Variants in FGGY observed in about 807,000 individuals in gnomAD.
The protein encoded by FGGY is FGGY carbohydrate kinase domain-containing protein.
Under a neutral mutation model 71.3 loss-of-function variants are expected in FGGY, and 72 were observed. The observed-to-expected ratio is 1.01, with a 90% CI of 0.84 to 1.23. The LOEUF (loss-of-function observed/expected upper bound fraction) is 1.23, where lower values mean the gene tolerates loss of function less well. Among genes scored for constraint, FGGY ranks in the 50% most tolerant of loss-of-function variants. The pLI is 0.00. For synonymous variants in FGGY, 251 were observed against 250.3 expected (o/e 1.00, Z -0.02); for missense variants, 668 against 682.3 (o/e 0.98, Z 0.23).
chr1:59,758,576 G>A (rs372230393), intron 15 of FGGY, among the ~76,000 whole-genome samples: 8 of 152,188 alleles, frequency 5.3e-5, no homozygotes, highest in African/African-American at 1.9e-4. Flanking sequence ...GAAAGAGATG[G>A]GAGCCTGTAG....
chr1:59,512,911 T>G (rs2094552415), intron 7 of FGGY, among the ~76,000 whole-genome samples: 1 of 152,218 alleles, frequency 6.6e-6, no homozygotes, highest in African/African-American at 2.4e-5. Flanking sequence ...ATGTATTCAT[T>G]TGTTCATTCA....
Position 59,642,869 on chromosome 1 carries a change from A to T in FGGY, c.1221+4494A>T, listed in dbSNP as rs146459246. On this transcript the variant is annotated intron_variant, in intron 11 of 15. Coordinates refer to ENST00000303721, the MANE Select transcript of FGGY (RefSeq NM_018291.5). ...ACATGGTGAAACCCTGTCTCTACTT[A>T]AAAAAGTACAAAAAAATTAGCCGGG... Among the ~76,000 whole-genome samples the T allele has an allele frequency of 3.6e-3, 542 of 151,244 alleles. 4 individuals are homozygous for T. Among genetic ancestry groups the T allele is most frequent in the African/African-American group, 0.012 (513 of 41,242 alleles).
Position 59,503,594 on chromosome 1 carries a change from C to CATATATATATATAT in FGGY, c.671-8705_671-8692dup, listed in dbSNP as rs71046332. 3.5e-3 allele frequency among the ~76,000 whole-genome samples: 451 copies of CATATATATATATAT among 127,610 alleles called. 3 individuals carry two copies. The highest frequency in any genetic ancestry group is 0.012 in the African/African-American group (398 of 31,884). 83.7% of individuals were successfully genotyped at this position (127,610 alleles called of 152,430 possible). ...TACGCATTGGCTTTTGTGGTGTCGC[C>CATATATATATATAT]ATATATATATATATATATATATATA... On this transcript the variant is annotated intron_variant, in intron 6 of 15. Transcript: ENST00000303721.
intron 5 of FGGY, among the ~76,000 whole-genome samples, chr1:59,439,531 T>A (rs1295573870): frequency 6.6e-6 from 1 of 152,084 alleles, no homozygotes; most frequent in Non-Finnish European, 1.5e-5. Context: ...ATGATAGAAC[T>A]CTCCTTTCCT....
chr1:59,466,378 G>A (rs950476010), intron 6 of FGGY, among the ~76,000 whole-genome samples: 2 of 152,000 alleles, frequency 1.3e-5, no homozygotes, highest in East Asian at 1.9e-4. Flanking sequence ...AGACTTAAAT[G>A]TTAGACCTAA....
chr1:59,639,203 G>C (rs904097006), intron 11 of FGGY, among the ~76,000 whole-genome samples: 1 of 152,192 alleles, frequency 6.6e-6, no homozygotes, highest in Non-Finnish European at 1.5e-5. Context: ...TTATGCAAAG[G>C]AAGCCGCGTA....
intron 11 of FGGY, among the ~76,000 whole-genome samples, chr1:59,650,417 T>G (rs1248236399): frequency 8.4e-6 from 1 of 118,696 alleles, no homozygotes; most frequent in African/African-American, 4.3e-5. Context: ...AATTATTGCC[T>G]CAATTTCAGA....
At chr1:59,723,565 G>GC (rs1024477220) in intron 14 of FGGY, among the ~76,000 whole-genome samples, 15 of 147,078 alleles carry the variant, frequency 1.0e-4, no homozygotes, top group East Asian at 6.1e-4. Flanking sequence ...TTTTTTTTTG[G>GC]GGGGGGGTGG....
At chr1:59,524,346 A>G (rs1010782177) in intron 7 of FGGY, among the ~76,000 whole-genome samples, 3 of 151,868 alleles carry the variant, frequency 2.0e-5, no homozygotes, top group Non-Finnish European at 4.4e-5. Context: ...GGTTGATGGC[A>G]GGAGGAAGCA....
At chr1:59,596,798 T>G (rs559634672) in intron 8 of FGGY, among the ~76,000 whole-genome samples, 169 of 152,298 alleles carry the variant, frequency 1.1e-3, no homozygotes, top group African/African-American at 3.8e-3. Flanking sequence ...TGCTGGCACA[T>G]GTACCGCCGT....
chr1:59,589,302 C>G (rs2096378863), intron 8 of FGGY, among the ~76,000 whole-genome samples: 1 of 152,096 alleles, frequency 6.6e-6, no homozygotes, highest in African/African-American at 2.4e-5. Flanking sequence ...CCTGAGTGAC[C>G]TACAAAGAGA....
chr1:59,569,633 T>C (rs2153732197), intron 8 of FGGY, among the ~76,000 whole-genome samples: 1 of 152,324 alleles, frequency 6.6e-6, no homozygotes, highest in East Asian at 1.9e-4. Context: ...GGGGTGGTTC[T>C]GATTGCTTAA....
At chr1:59,379,481 A>G (rs1362733226) in intron 5 of FGGY, among the ~76,000 whole-genome samples, 2 of 152,196 alleles carry the variant, frequency 1.3e-5, no homozygotes, top group Non-Finnish European at 2.9e-5. Context: ...TAGTATACTC[A>G]TATAGGGCAC....
rs184744362 is a variant in FGGY, at chr1:59,731,540, T to C, written c.1513-26391T>C. The stretch of plus-strand genomic sequence containing the variant: ...AAGAAGGTTGTAGGGGGTTGGGTGA[T>C]TAGCCAGTTCGTATTCCTTTGATTA... On this transcript the variant is annotated intron_variant, in intron 14 of 15. Transcript: ENST00000303721. Among the ~76,000 whole-genome samples, 238 of 152,236 alleles carry C rather than the reference T, an allele frequency of 1.6e-3. 5 individuals carry two copies. In the East Asian group the frequency reaches 0.028, roughly 18 times the overall value.
upstream of FGGY, chr1:59,296,774 C>A (rs1301501482): frequency 6.7e-6 from 1 of 148,182 alleles, no homozygotes; most frequent in East Asian, 2.0e-4. Context: ...GGGGCCGCGC[C>A]GGCGGGGGCG....
At chr1:59,710,505 C>A (rs1208367433) in intron 14 of FGGY, among the ~76,000 whole-genome samples, 1 of 152,172 alleles carries the variant, frequency 6.6e-6, no homozygotes, top group African/African-American at 2.4e-5. Context: ...TCAGAGTGAA[C>A]AGGCAACCTA....
At chr1:59,572,578 C>G (rs1217726653) in intron 8 of FGGY, among the ~76,000 whole-genome samples, 1 of 152,040 alleles carries the variant, frequency 6.6e-6, no homozygotes, top group Non-Finnish European at 1.5e-5. Context: ...CTGAGTGGTA[C>G]TAGGATACTA....
At chr1:59,742,880 AC>A (rs2098162661) in intron 14 of FGGY, among the ~76,000 whole-genome samples, 1 of 152,164 alleles carries the variant, frequency 6.6e-6, no homozygotes, top group Admixed American at 6.5e-5. Flanking sequence ...CTTTTGTCTC[AC>A]CTGGACTGCT....
intron 8 of FGGY, among the ~76,000 whole-genome samples, chr1:59,576,411 A>G (rs1331602246): frequency 1.3e-5 from 2 of 151,854 alleles, no homozygotes; most frequent in African/African-American, 4.8e-5. Context: ...GGGTAGGGGG[A>G]AAGGGGAAGG....
Sources: allele counts gnomAD v4.1 joint callset (sites outside exome capture counted in the v4.1 genomes callset), GRCh38; gene constraint gnomAD v4.1.1; transcripts MANE v1.5; gene names NCBI Gene and HGNC (gene_info 2026-07-23, HGNC 2026-07-21).